DACH1: variants seen among roughly 807,000 people sequenced by gnomAD.
DACH1 encodes dachshund family transcription factor 1.
DACH1 carries 12 observed loss-of-function variants against 54.2 expected under a neutral mutation model. That is an observed-to-expected ratio of 0.22 (90% CI 0.14 to 0.36). The LOEUF (loss-of-function observed/expected upper bound fraction) is 0.36. DACH1 is among the 10% of genes least tolerant of loss of function. The pLI is 1.00. For synonymous variants in DACH1, 386 were observed against 366.2 expected, an observed-to-expected ratio of 1.05 and a Z score of -0.62; for missense variants, 805 against 929.8, an observed-to-expected ratio of 0.87 and a Z score of 1.75.
intron 1 of DACH1, among the ~76,000 whole-genome samples, chr13:71,771,597 A>C (rs2138036867): frequency 6.6e-6 from 1 of 151,704 alleles, no homozygotes; most frequent in African/African-American, 2.4e-5. Context: ...CTTGTTACAA[A>C]GAATCAATGA....
intron 1 of DACH1, among the ~76,000 whole-genome samples, chr13:71,745,634 A>C (rs1427433489): frequency 1.3e-5 from 2 of 152,238 alleles, no homozygotes; most frequent in African/African-American, 4.8e-5. Flanking sequence ...AACAGTCACC[A>C]AACAAGAACA....
chr13:71,616,879 ATT>A (rs1171502107), intron 3 of DACH1, among the ~76,000 whole-genome samples: 40 of 140,304 alleles, frequency 2.9e-4, no homozygotes, highest in Non-Finnish European at 3.7e-4. Context: ...TCGGGGTTCA[ATT>A]TTTTTTTTTT....
chr13:71,690,640 C>T (rs972741394), intron 1 of DACH1, among the ~76,000 whole-genome samples: 3 of 152,246 alleles, frequency 2.0e-5, no homozygotes, highest in African/African-American at 7.2e-5. Flanking sequence ...AATATTAAAA[C>T]CTATTCCAAG....
chr13:71,646,182 C>CA (rs1375962892), intron 2 of DACH1, among the ~76,000 whole-genome samples: 1 of 151,764 alleles, frequency 6.6e-6, no homozygotes, highest in African/African-American at 2.4e-5. Flanking sequence ...AGTAAAAATA[C>CA]AAAAATTAGC....
intron 1 of DACH1, among the ~76,000 whole-genome samples, chr13:71,794,556 A>G (rs1367859496): frequency 6.6e-6 from 1 of 152,028 alleles, no homozygotes; most frequent in Middle Eastern, 3.2e-3. Flanking sequence ...CTCTTGCCTC[A>G]TCTCTCATAC....
Position 71,866,161 on chromosome 13 carries a change from C to T in DACH1, c.609G>A (p.Val203=). The change falls in exon 1 of 11, where the codon GTG becomes GTA. Residue 203 remains valine (V), a synonymous_variant. Coordinates refer to ENST00000613252, the MANE Select transcript of DACH1 (RefSeq NM_080759.6). Reference sequence around the variant, plus strand: ...GCAGGCAGATCAGCTCGCAGCCCTCCACCGTGAAGGAAGCCACTTTGGCCC... The same window carrying T: ...GCAGGCAGATCAGCTCGCAGCCCTCTACCGTGAAGGAAGCCACTTTGGCCC... ...LRGAKVASFT[V]EGCELICLPQ... 1.9e-6 allele frequency: 3 copies of T among 1,613,024 alleles called. No individual in the cohort carries two copies. Among genetic ancestry groups the T allele is most frequent in the Non-Finnish European group, 2.5e-6 (3 of 1,179,512 alleles).
chr13:71,831,811 A>C (rs1888600921), intron 1 of DACH1, among the ~76,000 whole-genome samples: 1 of 152,004 alleles, frequency 6.6e-6, no homozygotes, highest in Non-Finnish European at 1.5e-5. Context: ...TATAGTTTTG[A>C]AACTGTAATC....
At chr13:71,798,482 A>G (rs989647979) in intron 1 of DACH1, among the ~76,000 whole-genome samples, 2 of 151,622 alleles carry the variant, frequency 1.3e-5, no homozygotes, top group Non-Finnish European at 2.9e-5. Flanking sequence ...GTCTAAAACC[A>G]TCTTCAGATC....
At chr13:71,555,034 T>A (rs1413518418) in intron 6 of DACH1, among the ~76,000 whole-genome samples, 3 of 152,328 alleles carry the variant, frequency 2.0e-5, no homozygotes, top group African/African-American at 7.2e-5. Flanking sequence ...TCTGGACTTG[T>A]ATATTTCTCT....
chr13:71,698,605 T>C lies in DACH1; in HGVS notation c.849-16695A>G, dbSNP rs180676173. Among the ~76,000 whole-genome samples the C allele has an allele frequency of 2.8e-3, 420 of 152,210 alleles. 2 individuals carry two copies. The highest frequency in any genetic ancestry group is 6.7e-3 in the Admixed American group (103 of 15,294). On this transcript the variant is annotated intron_variant, in intron 1 of 10. Coordinates refer to ENST00000613252, the MANE Select transcript of DACH1 (RefSeq NM_080759.6). Reference sequence around the variant, plus strand: ...TTGTGTTAGGTTGAATAAATTACGGTGTATACTAGACTGAAATTATAGTAA... The same window carrying C: ...TTGTGTTAGGTTGAATAAATTACGGCGTATACTAGACTGAAATTATAGTAA...
intron 4 of DACH1, among the ~76,000 whole-genome samples, chr13:71,564,009 C>G (rs1351482345): frequency 6.6e-6 from 1 of 151,824 alleles, no homozygotes; most frequent in Non-Finnish European, 1.5e-5. Context: ...AAAGTAAAAT[C>G]CATTGAGCAA....
At chr13:71,703,964 T>C (rs1882298021) in intron 1 of DACH1, among the ~76,000 whole-genome samples, 1 of 151,964 alleles carries the variant, frequency 6.6e-6, no homozygotes, top group Admixed American at 6.6e-5. Context: ...TAAAATGAAG[T>C]TATTACAATG....
At chr13:71,701,400 T>C (rs1223118247) in intron 1 of DACH1, among the ~76,000 whole-genome samples, 1 of 152,204 alleles carries the variant, frequency 6.6e-6, no homozygotes, top group Non-Finnish European at 1.5e-5. Context: ...ATTGTAGTAC[T>C]TTAGTAACCG....
At chr13:71,590,236 A>C (rs1179511440) in intron 3 of DACH1, among the ~76,000 whole-genome samples, 1 of 152,138 alleles carries the variant, frequency 6.6e-6, no homozygotes, top group Non-Finnish European at 1.5e-5. Context: ...ATATAATTAA[A>C]CCAAGTCTCT....
intron 3 of DACH1, among the ~76,000 whole-genome samples, chr13:71,626,916 A>C (rs1387912663): frequency 6.6e-6 from 1 of 152,048 alleles, no homozygotes; most frequent in Non-Finnish European, 1.5e-5. Context: ...GTTTATCACC[A>C]TGCAGACTAG....
chr13:71,777,984 G>A (rs1338008784), intron 1 of DACH1, among the ~76,000 whole-genome samples: 1 of 151,728 alleles, frequency 6.6e-6, no homozygotes, highest in Admixed American at 6.6e-5. Flanking sequence ...GGTAGTAAGG[G>A]GTTGTGCCTA....
intron 3 of DACH1, among the ~76,000 whole-genome samples, chr13:71,628,738 G>A (rs1287610420): frequency 2.0e-5 from 3 of 152,106 alleles, no homozygotes; most frequent in Non-Finnish European, 2.9e-5. Flanking sequence ...AATTTGGTTA[G>A]TAGGCAAATA....
chr13:71,539,448 G>A (rs1203053948), intron 6 of DACH1, among the ~76,000 whole-genome samples: 1 of 151,912 alleles, frequency 6.6e-6, no homozygotes, highest in Non-Finnish European at 1.5e-5. Flanking sequence ...AAAATTAACT[G>A]TTTGATTATC....
chr13:71,697,562 C>G lies in DACH1; in HGVS notation c.849-15652G>C, dbSNP rs113360598. Reference sequence around the variant, plus strand: ...AATCTATAGAGCTTGAAATTATCAACCAAAGTAGTCTATGCCCAAATATGT... The same window carrying G: ...AATCTATAGAGCTTGAAATTATCAAGCAAAGTAGTCTATGCCCAAATATGT... On this transcript the variant is annotated intron_variant, in intron 1 of 10. Coordinates refer to ENST00000613252, the MANE Select transcript of DACH1 (RefSeq NM_080759.6). Among the ~76,000 whole-genome samples, 400 of 152,256 alleles carry G rather than the reference C, an allele frequency of 2.6e-3. 5 individuals carry two copies. Among genetic ancestry groups the G allele is most frequent in the African/African-American group, 9.2e-3 (381 of 41,530 alleles).
Sources: allele counts gnomAD v4.1 joint callset (sites outside exome capture counted in the v4.1 genomes callset), GRCh38; gene constraint gnomAD v4.1.1; transcripts MANE v1.5; gene names NCBI Gene and HGNC (gene_info 2026-07-23, HGNC 2026-07-21).